The following CNR1 variants were observed in gnomAD, a reference collection of about 807,000 sequenced individuals.
CNR1 encodes cannabinoid receptor 1.
A neutral mutation model predicts 23.0 loss-of-function variants in CNR1; 10 were observed. That is an observed-to-expected ratio of 0.43 (90% CI 0.27 to 0.74). CNR1 has a LOEUF of 0.74. Ranked by LOEUF, CNR1 falls within the 30% of genes least tolerant of loss-of-function variation. The pLI, the probability that CNR1 is intolerant of heterozygous loss-of-function variation, is 0.19. For synonymous variants in CNR1, 271 were observed against 255.2 expected, an observed-to-expected ratio of 1.06 and a Z score of -0.59; for missense variants, 422 against 618.8, an observed-to-expected ratio of 0.68 and a Z score of 3.37.
At chr6:88,150,777 C>A (rs1213528749) in intron 1 of CNR1, among the ~76,000 whole-genome samples, 3 of 152,210 alleles carry the variant, frequency 2.0e-5, no homozygotes, top group African/African-American at 7.2e-5. Context: ...AGGAACAGCT[C>A]TCTCATATAT....
chr6:88,157,769 A>G (rs12528858), intron 1 of CNR1, among the ~76,000 whole-genome samples: 6,804 of 152,266 alleles, frequency 0.045, 205 homozygotes, highest in Middle Eastern at 0.075. Context: ...CAAATATGCA[A>G]TAATCACTAC....
At chr6:88,147,718 T>C (rs1032536408) in intron 1 of CNR1, 1 of 152,204 alleles carries the variant, frequency 6.6e-6, no homozygotes, top group Non-Finnish European at 1.5e-5. Context: ...CTGGTCCTGT[T>C]CCTTTTTGAT....
intron 1 of CNR1, among the ~76,000 whole-genome samples, chr6:88,162,008 GTC>G (rs990713989): frequency 1.2e-4 from 18 of 152,178 alleles, no homozygotes; most frequent in African/African-American, 3.6e-4. Context: ...AAAAGAAACT[GTC>G]TTAAACCCAT....
At chr6:88,154,030 C>T in intron 1 of CNR1, among the ~76,000 whole-genome samples, 1 of 152,176 alleles carries the variant, frequency 6.6e-6, no homozygotes, top group East Asian at 1.9e-4. Flanking sequence ...ATCTTTTTTC[C>T]TTATATTAAT....
rs751552163 is a variant in CNR1, at chr6:88,144,284, G to A, written c.991C>T (p.Arg331Trp). 12 of 1,611,296 alleles carry A rather than the reference G, an allele frequency of 7.4e-6. No individual in the cohort carries two copies. Among genetic ancestry groups the A allele is most frequent in the African/African-American group, 5.3e-5 (4 of 74,866 alleles). The change falls in exon 2 of 2, where the codon CGG (arginine) becomes TGG (tryptophan). Residue 331 changes from arginine (R) to tryptophan (W), a missense_variant. Arg to Trp is a moderately radical substitution (Grantham distance 101). Around this residue, in one of 4 missense-constraint regions of CNR1, gnomAD observed 211 missense variants for 357.3 expected, o/e 0.59. Transcript: ENST00000369501. This position sits in a 1 kb window ranked among gnomAD's most constrained non-coding sequence, Gnocchi z 7.8. Reference protein sequence around the residue: ...TSEDGKVQVTRPDQARMDIRL... With the variant: ...TSEDGKVQVTWPDQARMDIRL... ...ATGTCCATGCGGGCTTGGTCTGGCC[G>A]GGTCACCTGTACCTTCCCATCCTCA...
chr6:88,145,030 T>G lies in CNR1; in HGVS notation c.245A>C (p.Tyr82Ser). ...CTTGAAGGACGAGAGAGACTTGTTGTAAAATTCTGTAATGTTCACCTGGTC... is the reference window on the plus strand; with the variant it reads ...CTTGAAGGACGAGAGAGACTTGTTGGAAAATTCTGTAATGTTCACCTGGTC... ...PADQVNITEF[Y>S]NKSLSSFKEN... Residue 82 changes from tyrosine to serine, a missense_variant, in exon 2 of 2, where the codon TAC becomes TCC. Physicochemically the swap from Tyr to Ser is moderately radical, Grantham distance 144 (BLOSUM62 -2). Coordinates refer to ENST00000369501, the MANE Select transcript of CNR1 (RefSeq NM_016083.6). 6.2e-7 allele frequency: 1 copy of G among 1,614,132 alleles called. No homozygotes were observed. The highest frequency in any genetic ancestry group is 1.1e-5 in the South Asian group (1 of 91,088).
At chr6:88,165,197 C>T (rs907279150) in intron 1 of CNR1, among the ~76,000 whole-genome samples, 1 of 152,062 alleles carries the variant, frequency 6.6e-6, no homozygotes, top group East Asian at 1.9e-4. Flanking sequence ...AGAGGTGATC[C>T]GTTTATGATT....
At chr6:88,159,169 T>C (rs1777955965) in intron 1 of CNR1, among the ~76,000 whole-genome samples, 1 of 152,206 alleles carries the variant, frequency 6.6e-6, no homozygotes, top group South Asian at 2.1e-4. Context: ...CCATGATTAT[T>C]GAGCATAACA....
chr6:88,161,582 G>A (rs1778110284), intron 1 of CNR1, among the ~76,000 whole-genome samples: 2 of 151,944 alleles, frequency 1.3e-5, no homozygotes, highest in Non-Finnish European at 2.9e-5. Flanking sequence ...TTTCATTATG[G>A]GGCCTTGTTA....
At chr6:88,151,238 C>T (rs191081268) in intron 1 of CNR1, among the ~76,000 whole-genome samples, 1 of 152,308 alleles carries the variant, frequency 6.6e-6, no homozygotes, top group Non-Finnish European at 1.5e-5. Context: ...CATTTCAAGT[C>T]CTTAATAGCT....
In CNR1 at chr6:88,162,870, A is replaced by G. The variant is rs150717634; in HGVS notation, c.-64+2933T>C. 10 of 152,336 alleles carry G rather than the reference A, an allele frequency of 6.6e-5. No homozygotes were observed. The East Asian group carries it at 1.7e-3, about 26-fold the overall frequency. 9.4% of individuals were successfully genotyped at this position (152,336 alleles called of 1,614,324 possible). A position where few individuals can be genotyped will look rare whatever the true frequency, so the allele number is the denominator to read the frequency against. ...AGAGCCAACAGCAGAATTATAAATA[A>G]TTTAAACCCAAAGCCTGGTTTCACT... On this transcript the variant is annotated intron_variant, in intron 1 of 1. Coordinates refer to ENST00000369501, the MANE Select transcript of CNR1 (RefSeq NM_016083.6).
chr6:88,154,090 A>T (rs966955508), intron 1 of CNR1, among the ~76,000 whole-genome samples: 1 of 152,196 alleles, frequency 6.6e-6, no homozygotes, highest in South Asian at 2.1e-4. Context: ...TATTGGTAAC[A>T]CTCAATTGGC....
At chr6:88,158,936 T>C (rs1777943825) in intron 1 of CNR1, among the ~76,000 whole-genome samples, 1 of 152,198 alleles carries the variant, frequency 6.6e-6, no homozygotes, top group African/African-American at 2.4e-5. Context: ...CCTCTCCAGT[T>C]TTTTTAGTCT....
intron 1 of CNR1, among the ~76,000 whole-genome samples, chr6:88,159,050 G>A (rs1048829160): frequency 6.6e-6 from 1 of 152,100 alleles, no homozygotes; most frequent in Non-Finnish European, 1.5e-5. Context: ...ATAATACACA[G>A]ATATATATTA....
intron 1 of CNR1, among the ~76,000 whole-genome samples, chr6:88,145,807 A>G (rs1410140955): frequency 6.6e-6 from 1 of 152,234 alleles, no homozygotes; most frequent in Non-Finnish European, 1.5e-5. Context: ...ACCTTGTCAG[A>G]CAAATGAGAC....
At chr6:88,165,423 TAGTC>T (rs1778318540) in intron 1 of CNR1, among the ~76,000 whole-genome samples, 1 of 152,246 alleles carries the variant, frequency 6.6e-6, no homozygotes, top group Non-Finnish European at 1.5e-5. Context: ...TATTTTACAT[TAGTC>T]AGTTTCTAGG....
At chr6:88,146,315 G>A (rs1440730402) in intron 1 of CNR1, among the ~76,000 whole-genome samples, 5 of 152,098 alleles carry the variant, frequency 3.3e-5, no homozygotes, top group South Asian at 2.1e-4. Flanking sequence ...CATATTGGTC[G>A]GGCTGGTCTC....
chr6:88,162,344 T>C (rs1032496798), intron 1 of CNR1, among the ~76,000 whole-genome samples: 2 of 152,376 alleles, frequency 1.3e-5, no homozygotes, highest in Admixed American at 1.3e-4. Context: ...AATAAAAGTG[T>C]GTTTCTATGT....
chr6:88,146,253 G>T (rs137925418), intron 1 of CNR1, among the ~76,000 whole-genome samples: 1 of 151,992 alleles, frequency 6.6e-6, no homozygotes, highest in Admixed American at 6.6e-5. Context: ...CTACAGGTGC[G>T]CACCACCATG....
Sources: gnomAD v4.1 joint callset for allele counts (sites outside exome capture counted in the v4.1 genomes callset) on GRCh38, gnomAD v4.1.1 for gene constraint, gnomAD v4.1.1 regional missense constraint, Gnocchi (gnomAD v3.1) non-coding constraint, MANE v1.5 for transcripts, NCBI Gene and HGNC (gene_info 2026-07-23, HGNC 2026-07-21) for gene names.